TOX2: variants seen among roughly 807,000 people sequenced by gnomAD.
TOX2 encodes TOX high mobility group box family member 2.
TOX2 carries 15 observed loss-of-function variants against 47.4 expected under a neutral mutation model. The ratio of observed to expected loss-of-function variants is 0.32; its 90% CI spans 0.21 to 0.49. The LOEUF (loss-of-function observed/expected upper bound fraction) is 0.49. TOX2 is among the 20% of genes least tolerant of loss of function. The pLI, the probability that TOX2 is intolerant of heterozygous loss-of-function variation, is 0.99. For synonymous variants in TOX2, 290 were observed against 296.6 expected (o/e 0.98, Z 0.23); for missense variants, 622 against 673.1 (o/e 0.92, Z 0.84).
At chr20:43,973,719 G>C (rs759926671) in intron 2 of TOX2, among the ~76,000 whole-genome samples, 8 of 152,198 alleles carry the variant, frequency 5.3e-5, no homozygotes, top group African/African-American at 1.4e-4. Context: ...CAGCTTTTCA[G>C]CAGCAGTGAG....
At chr20:44,067,625 C>A (rs1411669259) in intron 8 of TOX2, among the ~76,000 whole-genome samples, 3 of 152,102 alleles carry the variant, frequency 2.0e-5, no homozygotes, top group African/African-American at 7.2e-5. Context: ...CCTCCTGTCT[C>A]AGGCCTCTGT....
At chr20:43,950,176 A>G (rs1167696751) in intron 1 of TOX2, among the ~76,000 whole-genome samples, 1 of 152,126 alleles carries the variant, frequency 6.6e-6, no homozygotes, top group African/African-American at 2.4e-5. Flanking sequence ...AAACTCAACA[A>G]TGCATAGACG....
intron 3 of TOX2, among the ~76,000 whole-genome samples, chr20:44,021,540 G>A (rs960685099): frequency 1.3e-5 from 2 of 152,132 alleles, no homozygotes; most frequent in South Asian, 4.1e-4. Flanking sequence ...TTGTGAACTT[G>A]ACACCTTCTT....
intron 2 of TOX2, among the ~76,000 whole-genome samples, chr20:43,981,972 T>C (rs1442162811): frequency 6.6e-6 from 1 of 151,628 alleles, no homozygotes; most frequent in African/African-American, 2.4e-5. Context: ...CTTTAGAATA[T>C]TTAGTCATCA....
intron 3 of TOX2, among the ~76,000 whole-genome samples, chr20:44,033,768 T>G (rs1033357969): frequency 5.9e-5 from 9 of 152,198 alleles, no homozygotes; most frequent in African/African-American, 2.2e-4. Context: ...TTTAGTTCAG[T>G]GAGACTCATT....
chr20:43,971,982 T>C (rs1285863386), intron 1 of TOX2, among the ~76,000 whole-genome samples: 1 of 152,208 alleles, frequency 6.6e-6, no homozygotes, highest in Non-Finnish European at 1.5e-5. Context: ...TTTTGTACTC[T>C]TGGAATTTTG....
chr20:44,051,238 T>A, intron 3 of TOX2, 68 bp from the exon 4 acceptor site: 2 of 1,532,362 alleles, frequency 1.3e-6, no homozygotes, highest in Non-Finnish European at 1.8e-6. Context: ...CTAAGTCCGC[T>A]AGCACAGATG....
In TOX2 at chr20:44,047,147, T is replaced by G. The variant is rs113701233; in HGVS notation, c.412-4159T>G. 3.9e-3 allele frequency among the ~76,000 whole-genome samples: 596 copies of G among 152,308 alleles called. 3 individuals carry two copies. The highest frequency in any genetic ancestry group is 0.013 in the African/African-American group (561 of 41,558). ...AAAATTCTCCCTGGGAGAAAAATCA[T>G]AGTTACAGTGCAGAGTTTCTCAACC... On this transcript the variant is annotated intron_variant, in intron 3 of 8. Coordinates refer to ENST00000341197, the MANE Select transcript of TOX2 (RefSeq NM_001098797.2).
At chr20:44,026,011 A>G (rs2071055855) in intron 3 of TOX2, among the ~76,000 whole-genome samples, 1 of 151,698 alleles carries the variant, frequency 6.6e-6, no homozygotes, top group Admixed American at 6.6e-5. Flanking sequence ...GTGGCCATGG[A>G]GTCCTGGGTA....
chr20:43,961,618 G>A (rs1288412949), intron 1 of TOX2, among the ~76,000 whole-genome samples: 10 of 152,122 alleles, frequency 6.6e-5, no homozygotes, highest in African/African-American at 2.4e-4. Context: ...GCACTGTGGC[G>A]GGTGGGTGGG....
rs750368164 is a variant in TOX2 at position 43,973,403 on chromosome 20, G to A, written c.136G>A (p.Gly46Arg). The change falls in exon 2 of 9, where the codon GGA becomes AGA. Residue 46 changes from glycine to arginine, a missense_variant. Coordinates refer to ENST00000341197, the MANE Select transcript of TOX2 (RefSeq NM_001098797.2). ...GDSAYVGMSDGNPELLSTSQT... is the reference protein window; with the variant it reads ...GDSAYVGMSDRNPELLSTSQT... Reference sequence around the variant, plus strand: ...CAGTGCCTACGTGGGGATGAGTGACGGAAACCCAGAGCTCCTGTCAACCAG... The same window carrying A: ...CAGTGCCTACGTGGGGATGAGTGACAGAAACCCAGAGCTCCTGTCAACCAG... 16 of 1,613,990 alleles carry A rather than the reference G, an allele frequency of 9.9e-6. No individual in the cohort carries two copies. Among genetic ancestry groups the A allele is most frequent in the Admixed American group, 3.3e-5 (2 of 60,004 alleles).
intron 2 of TOX2, among the ~76,000 whole-genome samples, chr20:44,004,089 A>T (rs2070635398): frequency 6.6e-6 from 1 of 152,182 alleles, no homozygotes; most frequent in African/African-American, 2.4e-5. Flanking sequence ...GAGACATTTC[A>T]TTGGATTTGA....
chr20:43,971,887 C>T (rs1036920775), intron 1 of TOX2, among the ~76,000 whole-genome samples: 5 of 152,178 alleles, frequency 3.3e-5, no homozygotes, highest in African/African-American at 4.8e-5. Context: ...TATATGTAGA[C>T]AGTCTTTGAA....
intron 5 of TOX2, among the ~76,000 whole-genome samples, chr20:44,059,490 A>T (rs574302728): frequency 1.6e-4 from 24 of 152,364 alleles, no homozygotes; most frequent in Admixed American, 3.3e-4. Flanking sequence ...AGAGATCTAG[A>T]CATCCAAATA....
intron 3 of TOX2, among the ~76,000 whole-genome samples, chr20:44,038,728 C>G (rs2071280112): frequency 6.6e-6 from 1 of 152,052 alleles, no homozygotes; most frequent in Non-Finnish European, 1.5e-5. Context: ...CGCAGGGTGG[C>G]TGCCAGCTCT....
intron 1 of TOX2, among the ~76,000 whole-genome samples, chr20:43,929,560 T>A (rs972484749): frequency 1.8e-4 from 27 of 152,216 alleles, no homozygotes; most frequent in African/African-American, 6.5e-4. Flanking sequence ...TGGAATGTTC[T>A]TGCCCTCATT....
In TOX2 at chr20:43,986,274, T is replaced by G. The variant is rs1258102402; in HGVS notation, c.165+12842T>G. Among the ~76,000 whole-genome samples the G allele has an allele frequency of 2.6e-5, 4 of 151,576 alleles. No homozygotes were observed. The South Asian group carries it at 6.3e-4, about 24-fold the overall frequency. On this transcript the variant is annotated intron_variant, in intron 2 of 8. Transcript: ENST00000341197. ...CTTTTAAAATGTATGTATGTATGTA[T>G]GTATGTATGTATGTGTGTATTTTTT...
intron 2 of TOX2, among the ~76,000 whole-genome samples, chr20:43,990,207 G>A (rs919938931): frequency 2.0e-5 from 3 of 152,158 alleles, no homozygotes; most frequent in African/African-American, 7.2e-5. Context: ...CTATATAAAT[G>A]GTTTCTGCTA....
At chr20:44,044,633 G>T (rs1448432960) in intron 3 of TOX2, among the ~76,000 whole-genome samples, 1 of 152,186 alleles carries the variant, frequency 6.6e-6, no homozygotes, top group Non-Finnish European at 1.5e-5. Flanking sequence ...AACGAGTGGC[G>T]TGGATGTGTA....
Sources: gnomAD v4.1 joint callset for allele counts (sites outside exome capture counted in the v4.1 genomes callset) on GRCh38, gnomAD v4.1.1 for gene constraint, MANE v1.5 for transcripts, NCBI Gene and HGNC (gene_info 2026-07-23, HGNC 2026-07-21) for gene names.